FLNB: variants seen among roughly 807,000 people sequenced by gnomAD.
The protein encoded by FLNB is filamin B, also known as filamin-B.
FLNB carries 111 observed loss-of-function variants against 250.6 expected under a neutral mutation model. The observed-to-expected ratio is 0.44, with a 90% CI of 0.38 to 0.52. The LOEUF (loss-of-function observed/expected upper bound fraction) is 0.52. Ranked by LOEUF, FLNB falls within the 20% of genes least tolerant of loss-of-function variation. The probability of loss-of-function intolerance (pLI) is 0.00; values close to 1 mark genes in which losing one functional copy is unlikely to be tolerated. For missense variants in FLNB, 2,869 were observed against 3,447.8 expected (o/e 0.83, Z 4.20); for synonymous variants, 1,302 against 1,372.1 (o/e 0.95, Z 1.13).
Position 58,110,105 on chromosome 3 carries a change from T to A in FLNB, c.2419T>A (p.Phe807Ile). The A allele has an allele frequency of 6.2e-7, 1 of 1,614,162 alleles. No individual in the cohort carries two copies. Among genetic ancestry groups the A allele is most frequent in the Non-Finnish European group, 8.5e-7 (1 of 1,180,016 alleles). ...FDIIHNANDTFTVKYVPPAAG... is the reference protein window; with the variant it reads ...FDIIHNANDTITVKYVPPAAG... The stretch of plus-strand genomic sequence containing the variant: ...CATTATTCACAATGCCAATGATACG[T>A]TCACAGTCAAATATGTGCCTCCTGC... The change falls in exon 16 of 46, where the codon TTC becomes ATC. Residue 807 changes from phenylalanine to isoleucine, a missense_variant. Phe to Ile is a conservative substitution (Grantham distance 21). Transcript: ENST00000295956.
chr3:58,034,160 C>T (rs1658393), intron 1 of FLNB, among the ~76,000 whole-genome samples: 109,129 of 152,112 alleles, frequency 0.72, 39,730 homozygotes, highest in East Asian at 0.95. Flanking sequence ...CACGCCTGGC[C>T]GGGTGGTTTC....
chr3:58,091,271 G>A lies in FLNB; in HGVS notation c.788-3565G>A, dbSNP rs573344397. 1.1e-4 allele frequency among the ~76,000 whole-genome samples: 16 copies of A among 152,242 alleles called. No homozygotes were observed. The East Asian group carries it at 2.9e-3, about 28-fold the overall frequency. On this transcript the variant is annotated intron_variant, in intron 4 of 45. Coordinates refer to ENST00000295956, the MANE Select transcript of FLNB (RefSeq NM_001457.4). ...TTTGAGAAAGAAGTACAACATGGAG[G>A]AATCAGCCTTCCTGATTTCAAGACT...
chr3:58,096,445 A>G (rs1027581554), intron 6 of FLNB, among the ~76,000 whole-genome samples: 1 of 152,118 alleles, frequency 6.6e-6, no homozygotes, highest in African/African-American at 2.4e-5. Flanking sequence ...TAGGTAACTA[A>G]TGGTTGCAGC....
At chr3:58,011,072 G>A (rs1304903988) in intron 1 of FLNB, among the ~76,000 whole-genome samples, 1 of 152,026 alleles carries the variant, frequency 6.6e-6, no homozygotes, top group Non-Finnish European at 1.5e-5. Flanking sequence ...ATGCCACCAC[G>A]CCCGGCTAAT....
intron 29 of FLNB, among the ~76,000 whole-genome samples, chr3:58,140,815 G>T (rs1458732680): frequency 6.6e-6 from 1 of 152,180 alleles, no homozygotes; most frequent in Admixed American, 6.5e-5. Flanking sequence ...CACCATGTTG[G>T]CCAGGCTGGT....
At chr3:58,043,890 A>T (rs1032196489) in intron 1 of FLNB, among the ~76,000 whole-genome samples, 2 of 152,204 alleles carry the variant, frequency 1.3e-5, no homozygotes, top group African/African-American at 4.8e-5. Context: ...CCACGGGTTC[A>T]CAGACTTAAG....
intron 1 of FLNB, among the ~76,000 whole-genome samples, chr3:58,045,473 TG>T (rs200396883): frequency 0.025 from 3,742 of 152,242 alleles, 128 homozygotes; most frequent in African/African-American, 0.085. Flanking sequence ...CTTTCGCATT[TG>T]TTTTTTAAAG....
At chr3:58,031,520 A>G (rs1334680283) in intron 1 of FLNB, among the ~76,000 whole-genome samples, 1 of 147,056 alleles carries the variant, frequency 6.8e-6, no homozygotes, top group Non-Finnish European at 1.5e-5. Context: ...AGGGGATTAC[A>G]GACGTGAGCC....
At chr3:58,058,870 C>T (rs989814632) in intron 1 of FLNB, among the ~76,000 whole-genome samples, 7 of 152,194 alleles carry the variant, frequency 4.6e-5, no homozygotes, top group African/African-American at 1.7e-4. Context: ...ACCTCCCAGC[C>T]TCTGGGAATG....
At chr3:58,112,370 A>T in intron 18 of FLNB, 52 bp downstream of exon 18, 5 of 1,559,774 alleles carry the variant, frequency 3.2e-6, no homozygotes, top group Middle Eastern at 2.3e-4. Context: ...GCCCCTTTCT[A>T]TGCAGTCGGT....
rs558618598 is a variant in FLNB at position 58,033,884 on chromosome 3, G to A, written c.292+25028G>A. On this transcript the variant is annotated intron_variant, in intron 1 of 45. Transcript: ENST00000295956. ...TTATTTATTTATTTATTTTTGAGAC[G>A]GAGTCTCACTCTGTTGAACAGGCTG... Among the ~76,000 whole-genome samples the A allele has an allele frequency of 1.9e-3, 294 of 151,192 alleles. 1 individual carries two copies. Among genetic ancestry groups the A allele is most frequent in the African/African-American group, 6.7e-3 (277 of 41,208 alleles).
rs182808102 is a variant in FLNB at position 58,029,774 on chromosome 3, A to G, written c.292+20918A>G. ...CCCCCCCGACCTCCCCGGCCTCCCA[A>G]AGTGCTGGGATTATAGGGGGGAGCC... On this transcript the variant is annotated intron_variant, in intron 1 of 45. Coordinates refer to ENST00000295956, the MANE Select transcript of FLNB (RefSeq NM_001457.4). Among the ~76,000 whole-genome samples the G allele has an allele frequency of 6.9e-3, 1,047 of 152,222 alleles. 5 individuals carry two copies. Among genetic ancestry groups the G allele is most frequent in the Non-Finnish European group, 0.011 (772 of 68,004 alleles).
At chr3:58,136,248 C>T in intron 28 of FLNB, 80 bp downstream of exon 28, 1 of 1,417,070 alleles carries the variant, frequency 7.1e-7, no homozygotes. Flanking sequence ...CTGTGACTTA[C>T]AAGCTACATG....
intron 24 of FLNB, 144 bp from the exon 25 acceptor site, chr3:58,130,597 G>A (rs1296653330): frequency 5.5e-6 from 4 of 721,204 alleles, no homozygotes; most frequent in Non-Finnish European, 9.8e-6. Flanking sequence ...GTAGGCACAT[G>A]AGCAGTGCAC....
At chr3:58,078,644 GT>G in intron 2 of FLNB, 72 bp from the exon 3 acceptor site, 1 of 1,522,852 alleles carries the variant, frequency 6.6e-7, no homozygotes. Context: ...AATGGGGTTA[GT>G]TTAGGCACAT....
At chr3:58,166,950 A>AC (rs1311397371) in intron 43 of FLNB, among the ~76,000 whole-genome samples, 2 of 152,034 alleles carry the variant, frequency 1.3e-5, no homozygotes, top group Non-Finnish European at 2.9e-5. Flanking sequence ...ACATGGTGAG[A>AC]CCCCATCTCT....
At chr3:58,019,722 C>T (rs1311783933) in intron 1 of FLNB, among the ~76,000 whole-genome samples, 4 of 152,124 alleles carry the variant, frequency 2.6e-5, no homozygotes, top group Non-Finnish European at 4.4e-5. Flanking sequence ...TACTCATTTG[C>T]GCTTGATTCA....
rs760032357 is a variant in FLNB, at chr3:58,109,565, G to C, written c.2200-11G>C. The stretch of plus-strand genomic sequence containing the variant: ...AGGAGAACTTGATGACCTTCTCCAT[G>C]TCTTCTCTAGGTCAACATCGGGCAA... On this transcript the variant is annotated splice_polypyrimidine_tract_variant and intron_variant, in intron 14 of 45. Coordinates refer to ENST00000295956, the MANE Select transcript of FLNB (RefSeq NM_001457.4). 9.1e-5 allele frequency: 147 copies of C among 1,614,104 alleles called. No individual in the cohort carries two copies. Among genetic ancestry groups the C allele is most frequent in the Non-Finnish European group, 1.2e-4 (146 of 1,180,034 alleles).
In FLNB at chr3:58,096,633, C is replaced by T. The variant is rs188077712; in HGVS notation, c.984+415C>T. On this transcript the variant is annotated intron_variant, in intron 6 of 45. Coordinates refer to ENST00000295956, the MANE Select transcript of FLNB (RefSeq NM_001457.4). ...AAGCGATCCTCTCACCTCAGCCTCC[C>T]AAGTAGGTGGGATTATAGGCACCCA... 1.6e-3 allele frequency among the ~76,000 whole-genome samples: 249 copies of T among 152,232 alleles called. 2 individuals are homozygous for T. The highest frequency in any genetic ancestry group is 5.7e-3 in the African/African-American group (238 of 41,520).
Sources: gnomAD v4.1 joint callset for allele counts (sites outside exome capture counted in the v4.1 genomes callset) on GRCh38, gnomAD v4.1.1 for gene constraint, MANE v1.5 for transcripts, NCBI Gene and HGNC (gene_info 2026-07-23, HGNC 2026-07-21) for gene names.